Variants in NUB1 observed in about 807,000 individuals in gnomAD.
NUB1 encodes the protein NEDD8 ultimate buster 1.
A neutral mutation model predicts 77.1 loss-of-function variants in NUB1; 41 were observed. The observed-to-expected ratio is 0.53, with a 90% CI of 0.41 to 0.69. The LOEUF (loss-of-function observed/expected upper bound fraction) is 0.69. Ranked by LOEUF, NUB1 falls within the 30% of genes least tolerant of loss-of-function variation. The pLI is 0.00. For synonymous variants in NUB1, 257 were observed against 281.0 expected, an observed-to-expected ratio of 0.91 and a Z score of 0.85; for missense variants, 643 against 743.8, an observed-to-expected ratio of 0.86 and a Z score of 1.58.
intron 1 of NUB1, among the ~76,000 whole-genome samples, chr7:151,343,906 G>C (rs1796330188): frequency 6.6e-6 from 1 of 152,096 alleles, no homozygotes; most frequent in Admixed American, 6.5e-5. Context: ...GTAGGGCCAG[G>C]CGCGGTGGCT....
chr7:151,374,250 G>T lies in NUB1; in HGVS notation c.1395+7G>T. ...CTTGGATGAGGCCCTGAAGGTAGCA[G>T]CTCCCTCGGGGCCTCTGGCCTTGTC... On this transcript the variant is annotated splice_region_variant and intron_variant, in intron 12 of 14. Transcript: ENST00000568733. The T allele has an allele frequency of 6.4e-7, 1 of 1,552,062 alleles. No individual in the cohort carries two copies. Among genetic ancestry groups the T allele is most frequent in the Middle Eastern group, 1.7e-4 (1 of 5,994 alleles).
At position 151,356,002 on chromosome 7, in the gene NUB1, G is replaced by A. The variant is rs116161212; in HGVS notation, c.598+52G>A. On this transcript the variant is annotated intron_variant, in intron 6 of 14. Transcript: ENST00000568733. ...CACTCAGCTGCTTGGGGGCAGCACT[G>A]GATCACACAGTTGGGGGATCATGGC... The A allele has an allele frequency of 6.5e-4, 1,034 of 1,590,240 alleles. 10 individuals carry two copies. The African/African-American group carries it at 0.012, about 19-fold the overall frequency.
intron 1 of NUB1, among the ~76,000 whole-genome samples, chr7:151,344,230 G>A (rs1796366280): frequency 6.9e-6 from 1 of 144,490 alleles, no homozygotes; most frequent in Non-Finnish European, 1.5e-5. Flanking sequence ...GTGCTGTTAG[G>A]CTGTTAATCA....
intron 2 of NUB1, among the ~76,000 whole-genome samples, chr7:151,346,712 C>T (rs1796519721): frequency 6.6e-6 from 1 of 152,222 alleles, no homozygotes; most frequent in Admixed American, 6.5e-5. Context: ...GCTCAGGACC[C>T]TTCCAGACCT....
intron 11 of NUB1, among the ~76,000 whole-genome samples, chr7:151,373,869 C>A (rs1395976567): frequency 6.6e-6 from 1 of 152,262 alleles, no homozygotes; most frequent in African/African-American, 2.4e-5. Flanking sequence ...GCCCCACGGG[C>A]ATCTCACTTC....
chr7:151,361,642 A>G (rs1245991337), intron 8 of NUB1, among the ~76,000 whole-genome samples: 1 of 152,216 alleles, frequency 6.6e-6, no homozygotes, highest in Non-Finnish European at 1.5e-5. Context: ...CATTCCCAAG[A>G]TAATACTGTA....
rs1200956234 is a variant in NUB1 at position 151,355,836 on chromosome 7, G to A, written c.484G>A (p.Glu162Lys). 1 of 1,612,024 alleles carries A rather than the reference G, an allele frequency of 6.2e-7. No homozygotes were observed. Among genetic ancestry groups the A allele is most frequent in the Non-Finnish European group, 8.5e-7 (1 of 1,178,980 alleles). Residue 162 changes from glutamate (E) to lysine (K), a missense_variant, in exon 6 of 15, where the codon GAA becomes AAA. Transcript: ENST00000568733. The stretch of plus-strand genomic sequence containing the variant: ...GATGGTGCTTGAACTAAAACAATCT[G>A]AAGAGGACGCGAGGAAAAACTTCCA... Reference protein sequence around the residue: ...KAMVLELKQSEEDARKNFQLE... With the variant: ...KAMVLELKQSKEDARKNFQLE...
chr7:151,373,746 G>A (rs1798067804), intron 11 of NUB1, among the ~76,000 whole-genome samples: 1 of 152,220 alleles, frequency 6.6e-6, no homozygotes, highest in South Asian at 2.1e-4. Flanking sequence ...GTTCCTAGAA[G>A]AGAATCCATG....
intron 11 of NUB1, among the ~76,000 whole-genome samples, chr7:151,371,357 A>AC (rs1259037385): frequency 3.2e-3 from 276 of 85,552 alleles, no homozygotes; most frequent in East Asian, 5.1e-3. Context: ...TCTGTCTTTT[A>AC]CCCCCACCCC....
intron 11 of NUB1, among the ~76,000 whole-genome samples, chr7:151,370,230 G>A (rs113798659): frequency 9.2e-5 from 14 of 152,080 alleles, no homozygotes; most frequent in African/African-American, 3.4e-4. Context: ...GGAATTACAG[G>A]TGCCCACCAC....
At chr7:151,372,924 C>T (rs1172150396) in intron 11 of NUB1, among the ~76,000 whole-genome samples, 5 of 152,274 alleles carry the variant, frequency 3.3e-5, no homozygotes, top group African/African-American at 1.2e-4. Context: ...GGAGGTTCTC[C>T]TGTGATAGAG....
At chr7:151,367,475 G>A (rs772571783) in intron 9 of NUB1, among the ~76,000 whole-genome samples, 31 of 152,150 alleles carry the variant, frequency 2.0e-4, no homozygotes, top group Non-Finnish European at 3.1e-4. Flanking sequence ...AATGGTTTAC[G>A]TGAATGAGTC....
In NUB1 at chr7:151,342,049, C is replaced by T. The variant is rs953436969; in HGVS notation, c.-3+203C>T. On this transcript the variant is annotated intron_variant, in intron 1 of 14. Transcript: ENST00000568733. ...CGGGCTTCGGGACGCGCTGGCCGTT[C>T]GGGGCCCTTTGGTTTGCCCTGAGTT... is the stretch of plus-strand genomic sequence containing the variant. 1.1e-5 allele frequency: 11 copies of T among 974,546 alleles called. No individual in the cohort carries two copies. In the Admixed American group the frequency reaches 3.5e-4, roughly 31 times the overall value. The allele number at this position is 974,546 out of a possible 1,614,324, so 60.4% of individuals were successfully genotyped here. A position where few individuals can be genotyped will look rare whatever the true frequency, so the allele number is the denominator to read the frequency against.
At chr7:151,349,884 C>A (rs1292224000) in intron 3 of NUB1, among the ~76,000 whole-genome samples, 1 of 152,106 alleles carries the variant, frequency 6.6e-6, no homozygotes, top group Admixed American at 6.5e-5. Context: ...CAGTTGGGCC[C>A]GGAGGACCAC....
At chr7:151,344,632 C>G (rs551502810) in intron 1 of NUB1, among the ~76,000 whole-genome samples, 5 of 151,978 alleles carry the variant, frequency 3.3e-5, no homozygotes, top group African/African-American at 1.2e-4. Flanking sequence ...TATTTATTAT[C>G]GATAGTTTAC....
chr7:151,368,853 A>T lies in NUB1; in HGVS notation c.1214A>T (p.Asp405Val). ...CTGAGGGCGTGTGATGGGAACGTGGATCATGCGGCCACTCATATTACCAAC... is the reference window on the plus strand; with the variant it reads ...CTGAGGGCGTGTGATGGGAACGTGGTTCATGCGGCCACTCATATTACCAAC... The part of the protein sequence containing the change: ...LGLRACDGNV[D>V]HAATHITNRR... Residue 405 changes from aspartate (D) to valine (V), a missense_variant, in exon 11 of 15, where the codon GAT becomes GTT. Asp to Val is a radical substitution (Grantham distance 152, BLOSUM62 -3). Coordinates refer to ENST00000568733, the MANE Select transcript of NUB1 (RefSeq NM_001243351.2). 1 of 1,613,940 alleles carries T rather than the reference A, an allele frequency of 6.2e-7. No individual in the cohort carries two copies. Among genetic ancestry groups the T allele is most frequent in the Non-Finnish European group, 8.5e-7 (1 of 1,179,866 alleles).
intron 2 of NUB1, among the ~76,000 whole-genome samples, chr7:151,347,371 C>G (rs1796548269): frequency 6.6e-6 from 1 of 151,992 alleles, no homozygotes; most frequent in African/African-American, 2.4e-5. Context: ...CTGTGAATAG[C>G]CACTGCACTC....
intron 7 of NUB1, among the ~76,000 whole-genome samples, chr7:151,356,589 T>G (rs1797072149): frequency 6.6e-6 from 1 of 152,226 alleles, no homozygotes; most frequent in Non-Finnish European, 1.5e-5. Flanking sequence ...GTAGGGAAAC[T>G]GTGTCGTTTG....
At chr7:151,366,882 T>A in intron 8 of NUB1, 57 bp from the exon 9 acceptor site, 1 of 1,419,488 alleles carries the variant, frequency 7.0e-7, no homozygotes, top group Non-Finnish European at 9.5e-7. Context: ...AGGTTTCAAA[T>A]GCTAAAAATG....
Sources: gnomAD v4.1 joint callset for allele counts (sites outside exome capture counted in the v4.1 genomes callset) on GRCh38, gnomAD v4.1.1 for gene constraint, MANE v1.5 for transcripts, NCBI Gene and HGNC (gene_info 2026-07-23, HGNC 2026-07-21) for gene names.